The following TOP2A variants were observed in gnomAD, a reference collection of about 807,000 sequenced individuals.
TOP2A encodes the protein DNA topoisomerase 2-alpha.
TOP2A carries 68 observed loss-of-function variants against 187.2 expected under a neutral mutation model. The ratio of observed to expected loss-of-function variants is 0.36; its 90% CI spans 0.30 to 0.44. The LOEUF is 0.44. Ranked by LOEUF, TOP2A falls within the 20% of genes least tolerant of loss-of-function variation. The pLI, the probability that TOP2A is intolerant of heterozygous loss-of-function variation, is 1.00. For missense variants in TOP2A, 1,196 were observed against 1,808.7 expected, an observed-to-expected ratio of 0.66 and a Z score of 6.14; for synonymous variants, 542 against 593.2, an observed-to-expected ratio of 0.91 and a Z score of 1.25.
intron 14 of TOP2A, 67 bp downstream of exon 14, chr17:40,406,765 T>C: frequency 6.4e-7 from 1 of 1,562,902 alleles, no homozygotes; most frequent in Non-Finnish European, 8.8e-7. Context: ...ACGGGGCTTA[T>C]ATGTATATCC....
At chr17:40,394,533 A>G (rs1427224918) in intron 29 of TOP2A, among the ~76,000 whole-genome samples, 1 of 152,106 alleles carries the variant, frequency 6.6e-6, no homozygotes, top group Non-Finnish European at 1.5e-5. Context: ...GGGTTTCACC[A>G]TGTTGGCCAG....
At position 40,400,345 on chromosome 17, in the gene TOP2A, G is replaced by T. The variant is rs2035162016; in HGVS notation, c.2864C>A (p.Thr955Lys). The T allele has an allele frequency of 1.2e-6, 2 of 1,613,358 alleles. No individual in the cohort carries two copies. Residue 955 changes from threonine (T) to lysine (K), a missense_variant, in exon 23 of 35, where the codon ACA becomes AAA. Thr to Lys is a moderately conservative substitution (Grantham distance 78). This residue lies in a region of TOP2A where 232 missense variants were observed against 306.1 expected (regional missense o/e 0.76). Coordinates refer to ENST00000423485, the MANE Select transcript of TOP2A (RefSeq NM_001067.4). The stretch of plus-strand genomic sequence containing the variant: ...ATCTGTATGGTATTCCCTATAGTCT[G>T]TTATGAGAGGAGGTGTCTTCTCGGT... ...NGTEKTPPLI[T>K]DYREYHTDTT... is the part of the protein sequence containing the mutation.
intron 28 of TOP2A, 120 bp downstream of exon 28, chr17:40,396,163 T>C: frequency 1.8e-6 from 1 of 555,202 alleles, no homozygotes; most frequent in Non-Finnish European, 3.1e-6. Context: ...TAATTTTTAG[T>C]AGAGACAGGG....
chr17:40,417,698 C>T, intron 1 of TOP2A, 73 bp downstream of exon 1: 1 of 1,605,248 alleles, frequency 6.2e-7, no homozygotes, highest in Non-Finnish European at 8.5e-7. Context: ...CAGAGCTTCA[C>T]CCGTCACGGG....
chr17:40,413,121 C>T, intron 6 of TOP2A, 74 bp downstream of exon 6: 4 of 1,322,664 alleles, frequency 3.0e-6, no homozygotes, highest in Non-Finnish European at 4.2e-6. Context: ...TAAATTAAAC[C>T]AATCATTAAT....
chr17:40,391,330 G>C, intron 33 of TOP2A, 176 bp downstream of exon 33: 3 of 607,510 alleles, frequency 4.9e-6, no homozygotes. Context: ...TTACTGTTTT[G>C]GAACAGCCTT....
chr17:40,413,528 G>C lies in TOP2A; in HGVS notation c.430C>G (p.Gln144Glu). 3 of 1,543,578 alleles carry C rather than the reference G, an allele frequency of 1.9e-6. No homozygotes were observed. Among genetic ancestry groups the C allele is most frequent in the Non-Finnish European group, 2.6e-6 (3 of 1,143,022 alleles). The change falls in exon 5 of 35, where the codon CAG (glutamine) becomes GAG (glutamate). Residue 144 changes from glutamine to glutamate, a missense_variant. Physicochemically the swap from Gln to Glu is conservative, Grantham distance 29. This residue lies in a region of TOP2A where 97 missense variants were observed against 171.0 expected (regional missense o/e 0.57). Coordinates refer to ENST00000423485, the MANE Select transcript of TOP2A (RefSeq NM_001067.4). ...TCATAGTTACTAGAAGTTAGGAGCT[G>C]TCCAAATATGAGAGCTGGGACATAC... ...KMYVPALIFG[Q>E]LLTSSNYDDD...
At chr17:40,390,437 G>T (rs551475208) in intron 33 of TOP2A, among the ~76,000 whole-genome samples, 21 of 151,080 alleles carry the variant, frequency 1.4e-4, no homozygotes, top group Non-Finnish European at 2.5e-4. Context: ...TGATCCACTC[G>T]CCTCGGCCTC....
rs1360798258 is a variant in TOP2A at position 40,398,876 on chromosome 17, G to A, written c.3350C>T (p.Ser1117Phe). 8.7e-6 allele frequency: 14 copies of A among 1,613,604 alleles called. No homozygotes were observed. The highest frequency in any genetic ancestry group is 1.2e-5 in the Non-Finnish European group (14 of 1,179,820). Reference sequence around the variant, plus strand: ...GAAGGTTGGTCCAGAATCTGTTACGGAGTCACTCTTTTCAGTTTCCTTTTC... The same window carrying A: ...GAAGGTTGGTCCAGAATCTGTTACGAAGTCACTCTTTTCAGTTTCCTTTTC... ...DNEKETEKSD[S>F]VTDSGPTFNY... Residue 1117 changes from serine to phenylalanine, a missense_variant, in exon 26 of 35, where the codon TCC becomes TTC. By Grantham distance (155) the Ser-to-Phe change is radical. Coordinates refer to ENST00000423485, the MANE Select transcript of TOP2A (RefSeq NM_001067.4).
Position 40,389,496 on chromosome 17 carries a change from A to G in TOP2A, c.*23T>C, listed in dbSNP as rs372381834. 9 of 1,569,982 alleles carry G rather than the reference A, an allele frequency of 5.7e-6. No homozygotes were observed. The East Asian group carries it at 1.4e-4, about 24-fold the overall frequency. ...CAGTCTTGGGCTTGGTAAGATAATTACTTAAAATAATCGCCTCACATTTTA... is the reference window on the plus strand; with the variant it reads ...CAGTCTTGGGCTTGGTAAGATAATTGCTTAAAATAATCGCCTCACATTTTA... On this transcript the variant is annotated 3_prime_UTR_variant, in exon 35 of 35. Coordinates refer to ENST00000423485, the MANE Select transcript of TOP2A (RefSeq NM_001067.4).
intron 3 of TOP2A, 138 bp from the exon 4 acceptor site, chr17:40,416,206 G>T: frequency 1.3e-6 from 1 of 797,084 alleles, no homozygotes; most frequent in Non-Finnish European, 2.0e-6. Context: ...AGCAATTTTT[G>T]TCCATAGTAC....
Position 40,399,989 on chromosome 17 carries a change from G to A in TOP2A, c.3079C>T (p.Leu1027Phe). 2 of 1,613,338 alleles carry A rather than the reference G, an allele frequency of 1.2e-6. No homozygotes were observed. The highest frequency in any genetic ancestry group is 1.7e-6 in the Non-Finnish European group (2 of 1,179,676). Residue 1027 changes from leucine (L) to phenylalanine (F), a missense_variant, in exon 24 of 35, where the codon CTT (leucine) becomes TTT (phenylalanine). Physicochemically the swap from Leu to Phe is conservative, Grantham distance 22. Transcript: ENST00000423485. ...DILRDFFELR[L>F]KYYGLRKEWL... ...TCTTTTCTTAATCCATAATATTTAA[G>A]TCTGAGTTCAAAAAAGTCTCTTAGA...
intron 16 of TOP2A, 107 bp from the exon 17 acceptor site, chr17:40,404,990 CTTTTTTT>C (rs1265795492): frequency 5.5e-6 from 3 of 544,180 alleles, no homozygotes; most frequent in African/African-American, 2.1e-5. Flanking sequence ...TACTGTTTTC[CTTTTTTT>C]TTTTTTTTGA....
Position 40,389,275 on chromosome 17 carries a change from CAAAAG to C in TOP2A, c.*239_*243del, listed in dbSNP as rs2034993783. On this transcript the variant is annotated 3_prime_UTR_variant, in exon 35 of 35. Coordinates refer to ENST00000423485, the MANE Select transcript of TOP2A (RefSeq NM_001067.4). The stretch of plus-strand genomic sequence containing the variant: ...GAACTTAAAAATCAGGTTTTAAAGA[CAAAAG>C]AAAGCAGACTCAAAACACAGACAAA... The C allele has an allele frequency of 1.7e-5, 6 of 359,004 alleles. No homozygotes were observed. The highest frequency in any genetic ancestry group is 2.0e-5 in the Non-Finnish European group (4 of 198,478). The allele number at this position is 359,004 out of a possible 1,614,324, so 22.2% of individuals were successfully genotyped here. A position where few individuals can be genotyped will look rare whatever the true frequency, so the allele number is the denominator to read the frequency against.
rs2035246654 is a variant in TOP2A, at chr17:40,406,448, T to C, written c.1889A>G (p.Asp630Gly). Residue 630 changes from aspartate (D) to glycine (G), a missense_variant, in exon 16 of 35, where the codon GAT (aspartate) becomes GGT (glycine). Coordinates refer to ENST00000423485, the MANE Select transcript of TOP2A (RefSeq NM_001067.4). The stretch of plus-strand genomic sequence containing the variant: ...GAACTGGATACGATGTCTTTTCATA[T>C]CTGCAAAGTATTCTTTAGCTTCCTT... The part of the protein sequence containing the change: ...TSKEAKEYFA[D>G]MKRHRIQFKY... 2 of 1,613,862 alleles carry C rather than the reference T, an allele frequency of 1.2e-6. No individual in the cohort carries two copies. The highest frequency in any genetic ancestry group is 4.5e-5 in the East Asian group (2 of 44,876).
chr17:40,401,080 A>G lies in TOP2A; in HGVS notation c.2434T>C (p.Ser812Pro). The G allele has an allele frequency of 6.2e-7, 1 of 1,608,088 alleles. No homozygotes were observed. Among genetic ancestry groups the G allele is most frequent in the Non-Finnish European group, 8.5e-7 (1 of 1,177,260 alleles). The stretch of plus-strand genomic sequence containing the variant: ...GGTGGAAATAACAATCGAGCCAAAG[A>G]GCTAAAGAAAAGAAACAAAGAATGT... ...SPRYIFTMLS[S>P]LARLLFPPKD... Residue 812 changes from serine to proline, a missense_variant and splice_region_variant, in exon 21 of 35, where the codon TCT becomes CCT. This residue lies in a region of TOP2A where 209 missense variants were observed against 376.9 expected (regional missense o/e 0.55). Transcript: ENST00000423485.
Position 40,400,312 on chromosome 17 carries a change from A to G in TOP2A, c.2897T>C (p.Val966Ala). 6.2e-7 allele frequency: 1 copy of G among 1,612,370 alleles called. No homozygotes were observed. The highest frequency in any genetic ancestry group is 8.5e-7 in the Non-Finnish European group (1 of 1,179,166). Reference protein sequence around the residue: ...DYREYHTDTTVKFVVKMTEEK... With the variant: ...DYREYHTDTTAKFVVKMTEEK... ...TTCAGTCATCTTCACAACAAATTTC[A>G]CAGTGGTATCTGTATGGTATTCCCT... Residue 966 changes from valine (V) to alanine (A), a missense_variant, in exon 23 of 35, where the codon GTG becomes GCG. Val to Ala is a moderately conservative substitution (Grantham distance 64). This residue lies in a region of TOP2A where 232 missense variants were observed against 306.1 expected (regional missense o/e 0.76). Transcript: ENST00000423485.
At chr17:40,401,617 G>A (rs1433383647) in intron 20 of TOP2A, among the ~76,000 whole-genome samples, 1 of 152,074 alleles carries the variant, frequency 6.6e-6, no homozygotes, top group African/African-American at 2.4e-5. Context: ...GCTGAGGCAG[G>A]AGAATCACTT....
At chr17:40,404,081 A>T in intron 19 of TOP2A, 71 bp downstream of exon 19, 1 of 1,564,772 alleles carries the variant, frequency 6.4e-7, no homozygotes, top group Non-Finnish European at 8.6e-7. Flanking sequence ...CTTTCACCAA[A>T]TCTGTTTTGA....
Sources: gnomAD v4.1 joint callset for allele counts (sites outside exome capture counted in the v4.1 genomes callset) on GRCh38, gnomAD v4.1.1 for gene constraint, gnomAD v4.1.1 regional missense constraint, MANE v1.5 for transcripts, NCBI Gene and HGNC (gene_info 2026-07-23, HGNC 2026-07-21) for gene names.